Variants in GALNT18 observed in about 807,000 individuals in gnomAD.
GALNT18 encodes the protein polypeptide N-acetylgalactosaminyltransferase 18.
GALNT18 carries 44 observed loss-of-function variants against 69.5 expected under a neutral mutation model. The observed-to-expected ratio is 0.63, with a 90% CI of 0.50 to 0.81. The LOEUF is 0.81. Among genes scored for constraint, GALNT18 ranks in the 40% least tolerant of loss-of-function variants. The pLI is 0.00. For synonymous variants in GALNT18, 364 were observed against 318.2 expected (o/e 1.14, Z -1.53); for missense variants, 715 against 810.0 (o/e 0.88, Z 1.42).
chr11:11,356,213 C>A lies in GALNT18; in HGVS notation c.1093-15209G>T, dbSNP rs1850526745. ...AATATCGGATCTTGTCCAAGGAAAACCACAGCAGTGTCAGAGGAGGAGGAG... is the reference window on the plus strand; with the variant it reads ...AATATCGGATCTTGTCCAAGGAAAAACACAGCAGTGTCAGAGGAGGAGGAG... On this transcript the variant is annotated intron_variant, in intron 6 of 10. Transcript: ENST00000227756. The surrounding 1 kb of genome is among the most constrained non-coding windows in gnomAD (Gnocchi z 4.4). Among the ~76,000 whole-genome samples the A allele has an allele frequency of 6.6e-6, 1 of 152,164 alleles. No individual in the cohort carries two copies. The highest frequency in any genetic ancestry group is 1.5e-5 in the Non-Finnish European group (1 of 68,020).
chr11:11,490,000 G>C (rs1289321456), intron 1 of GALNT18, among the ~76,000 whole-genome samples: 6 of 152,124 alleles, frequency 3.9e-5, no homozygotes, highest in African/African-American at 1.4e-4. Context: ...CAAAAAGCCT[G>C]CGTTGGAAAC....
intron 1 of GALNT18, among the ~76,000 whole-genome samples, chr11:11,507,872 A>T (rs531390162): frequency 6.6e-6 from 1 of 152,162 alleles, no homozygotes; most frequent in African/African-American, 2.4e-5. Context: ...GAAAGACTAC[A>T]CTGGCTTAGT....
At chr11:11,557,503 C>G (rs1858359435) in intron 1 of GALNT18, among the ~76,000 whole-genome samples, 1 of 152,218 alleles carries the variant, frequency 6.6e-6, no homozygotes, top group Admixed American at 6.5e-5. Context: ...TGTCCCCACA[C>G]AGCTCTGGAC....
chr11:11,464,948 A>T (rs1856124217), intron 1 of GALNT18, among the ~76,000 whole-genome samples: 2 of 152,292 alleles, frequency 1.3e-5, no homozygotes, highest in South Asian at 4.1e-4. Context: ...TGTTACTATT[A>T]TTGTTACTGG....
intron 9 of GALNT18, among the ~76,000 whole-genome samples, chr11:11,323,632 T>C (rs1849872561): frequency 6.6e-6 from 1 of 152,200 alleles, no homozygotes; most frequent in Admixed American, 6.5e-5. Context: ...AAAAATGCCT[T>C]TTGCATCATT....
chr11:11,617,587 A>G lies in GALNT18; in HGVS notation c.235+3772T>C, dbSNP rs1860087618. Among the ~76,000 whole-genome samples, 1 of 152,254 alleles carries G rather than the reference A, an allele frequency of 6.6e-6. No homozygotes were observed. Among genetic ancestry groups the G allele is most frequent in the South Asian group, 2.1e-4 (1 of 4,834 alleles). On this transcript the variant is annotated intron_variant, in intron 1 of 10. Transcript: ENST00000227756. The surrounding 1 kb of genome is among the most constrained non-coding windows in gnomAD (Gnocchi z 4.7). ...AATATGGAGGCAAATGAACAAATCCAGAAGGAAATGCTCAAAATGCAAACT... is the reference window on the plus strand; with the variant it reads ...AATATGGAGGCAAATGAACAAATCCGGAAGGAAATGCTCAAAATGCAAACT...
Position 11,432,802 on chromosome 11 carries a change from C to G in GALNT18, c.429-15G>C. ...GGTTACGGCACCTGCAAAGAACAGCCAAGCGCTTAGATTTGTGACTCAGCT... is the reference window on the plus strand; with the variant it reads ...GGTTACGGCACCTGCAAAGAACAGCGAAGCGCTTAGATTTGTGACTCAGCT... On this transcript the variant is annotated splice_polypyrimidine_tract_variant and intron_variant, in intron 2 of 10. Transcript: ENST00000227756. This position sits in a 1 kb window ranked among gnomAD's most constrained non-coding sequence, Gnocchi z 5.8. 6.2e-7 allele frequency: 1 copy of G among 1,610,158 alleles called. No homozygotes were observed. Among genetic ancestry groups the G allele is most frequent in the Non-Finnish European group, 8.5e-7 (1 of 1,177,090 alleles).
intron 6 of GALNT18, among the ~76,000 whole-genome samples, chr11:11,367,610 G>A (rs1413087530): frequency 6.6e-6 from 1 of 152,160 alleles, no homozygotes; most frequent in African/African-American, 2.4e-5. Context: ...ACTGGCTGTG[G>A]TTGTAGTGGC....
At chr11:11,280,265 G>A (rs1012718597) in intron 10 of GALNT18, among the ~76,000 whole-genome samples, 3 of 152,222 alleles carry the variant, frequency 2.0e-5, no homozygotes, top group East Asian at 3.9e-4. Flanking sequence ...CTGCAGGCTC[G>A]GCCTCTGAAA....
chr11:11,456,644 T>C (rs2133831601), intron 1 of GALNT18, among the ~76,000 whole-genome samples: 1 of 152,322 alleles, frequency 6.6e-6, no homozygotes, highest in Non-Finnish European at 1.5e-5. Context: ...CCCTTGACAG[T>C]TGTTTGCCAA....
At chr11:11,482,383 C>A (rs989396180) in intron 1 of GALNT18, among the ~76,000 whole-genome samples, 2 of 152,248 alleles carry the variant, frequency 1.3e-5, no homozygotes, top group African/African-American at 4.8e-5. Flanking sequence ...GGCCCACAGA[C>A]CCCTGGAGCC....
At chr11:11,445,062 T>C (rs1355773628) in intron 2 of GALNT18, among the ~76,000 whole-genome samples, 1 of 152,228 alleles carries the variant, frequency 6.6e-6, no homozygotes, top group African/African-American at 2.4e-5. Context: ...TTCCAACATG[T>C]AGACGCCGAC....
rs1479188122 is a variant in GALNT18, at chr11:11,470,885, C to T, written c.236-21949G>A. Among the ~76,000 whole-genome samples the T allele has an allele frequency of 6.6e-6, 1 of 152,292 alleles. No individual in the cohort carries two copies. The highest frequency in any genetic ancestry group is 1.9e-4 in the East Asian group (1 of 5,168). On this transcript the variant is annotated intron_variant, in intron 1 of 10. Transcript: ENST00000227756. This position sits in a 1 kb window ranked among gnomAD's most constrained non-coding sequence, Gnocchi z 4.8. Reference sequence around the variant, plus strand: ...CTGTGCTCAGTGGGATGTTTTCCCCCTCCAGGTCCCCCTCCTAAAAACCTT... The same window carrying T: ...CTGTGCTCAGTGGGATGTTTTCCCCTTCCAGGTCCCCCTCCTAAAAACCTT...
intron 1 of GALNT18, among the ~76,000 whole-genome samples, chr11:11,524,123 C>A (rs1857465603): frequency 6.6e-6 from 1 of 152,124 alleles, no homozygotes; most frequent in Non-Finnish European, 1.5e-5. Context: ...GGCTAGAAAT[C>A]ACTTATCTAG....
At chr11:11,357,920 A>G (rs1301296176) in intron 6 of GALNT18, among the ~76,000 whole-genome samples, 1 of 152,232 alleles carries the variant, frequency 6.6e-6, no homozygotes, top group East Asian at 1.9e-4. Flanking sequence ...TAAATGTTCA[A>G]CAAATGGTAG....
rs1247567404 is a variant in GALNT18, at chr11:11,382,747, T to C, written c.596-3483A>G. On this transcript the variant is annotated intron_variant, in intron 3 of 10. Coordinates refer to ENST00000227756, the MANE Select transcript of GALNT18 (RefSeq NM_198516.3). The surrounding 1 kb of genome is among the most constrained non-coding windows in gnomAD (Gnocchi z 4.3). ...ATTGACTTTTACCTTTTATTCCCTA[T>C]GCAAGCTATCTTTAATTAATTTTTT... Among the ~76,000 whole-genome samples, 2 of 152,194 alleles carry C rather than the reference T, an allele frequency of 1.3e-5. No individual in the cohort carries two copies. The highest frequency in any genetic ancestry group is 4.8e-5 in the African/African-American group (2 of 41,444).
chr11:11,276,221 G>A (rs1848943241), intron 10 of GALNT18, among the ~76,000 whole-genome samples: 1 of 152,184 alleles, frequency 6.6e-6, no homozygotes, highest in South Asian at 2.1e-4. Context: ...GCAGTGCTTT[G>A]TAGTTCTCCT....
rs141515889 is a variant in GALNT18 at position 11,315,274 on chromosome 11, T to C, written c.1512+11812A>G. Among the ~76,000 whole-genome samples the C allele has an allele frequency of 3.8e-3, 578 of 152,314 alleles. 2 individuals are homozygous for C. The highest frequency in any genetic ancestry group is 0.013 in the African/African-American group (523 of 41,560). ...GGTGGAGCTGAGATTCACAGCCAGG[T>C]GGACCTAGCAAGGTCCATTCACTTC... is the stretch of plus-strand genomic sequence containing the variant. On this transcript the variant is annotated intron_variant, in intron 9 of 10. Coordinates refer to ENST00000227756, the MANE Select transcript of GALNT18 (RefSeq NM_198516.3). The surrounding 1 kb of genome is among the most constrained non-coding windows in gnomAD (Gnocchi z 5.6).
At position 11,382,894 on chromosome 11, in the gene GALNT18, A is replaced by G. The variant is rs1853955289; in HGVS notation, c.596-3630T>C. 6.6e-6 allele frequency among the ~76,000 whole-genome samples: 1 copy of G among 152,232 alleles called. No individual in the cohort carries two copies. The highest frequency in any genetic ancestry group is 1.5e-5 in the Non-Finnish European group (1 of 68,054). ...TTAATGCGTTGGAGAAAGAGGAGGCAGGGAGTCTGCTTGCTGTGACTCTGC... is the reference window on the plus strand; with the variant it reads ...TTAATGCGTTGGAGAAAGAGGAGGCGGGGAGTCTGCTTGCTGTGACTCTGC... On this transcript the variant is annotated intron_variant, in intron 3 of 10. Coordinates refer to ENST00000227756, the MANE Select transcript of GALNT18 (RefSeq NM_198516.3). This position sits in a 1 kb window ranked among gnomAD's most constrained non-coding sequence, Gnocchi z 4.3.
Sources: allele counts gnomAD v4.1 joint callset (sites outside exome capture counted in the v4.1 genomes callset), GRCh38; gene constraint gnomAD v4.1.1; non-coding constraint Gnocchi (gnomAD v3.1); transcripts MANE v1.5; gene names NCBI Gene and HGNC (gene_info 2026-07-23, HGNC 2026-07-21).